IGF2BP3: variants seen among roughly 807,000 people sequenced by gnomAD.
The protein encoded by IGF2BP3 is insulin-like growth factor 2 mRNA-binding protein 3.
A neutral mutation model predicts 73.8 loss-of-function variants in IGF2BP3; 9 were observed. The observed-to-expected ratio is 0.12, with a 90% CI of 0.07 to 0.21. IGF2BP3 has a LOEUF of 0.21. IGF2BP3 is among the 10% of genes least tolerant of loss of function. IGF2BP3 has a pLI of 1.00. For synonymous variants in IGF2BP3, 258 were observed against 256.7 expected (o/e 1.01, Z -0.05); for missense variants, 542 against 714.0 (o/e 0.76, Z 2.75).
In IGF2BP3 at chr7:23,418,792, G is replaced by C. The variant is rs1028445948; in HGVS notation, c.269C>G (p.Pro90Arg). 9 of 1,583,278 alleles carry C rather than the reference G, an allele frequency of 5.7e-6. No individual in the cohort carries two copies. Among genetic ancestry groups the C allele is most frequent in the Non-Finnish European group, 7.8e-6 (9 of 1,159,402 alleles). ...AATTCTTACCTCCCACTGTAAATGA[G>C]GCGGGATATTTCGTATCTGAAGTTT... Reference protein sequence around the residue: ...IRKLQIRNIPPHLQWEVLDSL... With the variant: ...IRKLQIRNIPRHLQWEVLDSL... Residue 90 changes from proline to arginine, a missense_variant, in exon 3 of 15, where the codon CCT (proline) becomes CGT (arginine). Physicochemically the swap from Pro to Arg is moderately radical, Grantham distance 103 (BLOSUM62 -2). Coordinates refer to ENST00000258729, the MANE Select transcript of IGF2BP3 (RefSeq NM_006547.3).
At chr7:23,392,451 TAC>T (rs1554327192) in intron 3 of IGF2BP3, among the ~76,000 whole-genome samples, 2,000 of 144,216 alleles carry the variant, frequency 0.014, 42 homozygotes, top group African/African-American at 0.047. Flanking sequence ...TATATATATA[TAC>T]ACACACACAC....
intron 5 of IGF2BP3, among the ~76,000 whole-genome samples, chr7:23,358,348 GC>G (rs1785146479): frequency 6.6e-6 from 1 of 152,128 alleles, no homozygotes; most frequent in African/African-American, 2.4e-5. Context: ...TACCAGCATA[GC>G]CCTTTCACCT....
chr7:23,347,945 A>G, intron 6 of IGF2BP3: 3 of 527,368 alleles, frequency 5.7e-6, no homozygotes, highest in Non-Finnish European at 9.9e-6. Flanking sequence ...TCTTTCCTCA[A>G]TCCAACCAAG....
chr7:23,389,828 T>TAAA (rs748999337), intron 3 of IGF2BP3, among the ~76,000 whole-genome samples: 15 of 108,372 alleles, frequency 1.4e-4, no homozygotes, highest in African/African-American at 5.0e-4. Context: ...ATCCCTTCTG[T>TAAA]AAAAAAAAAA....
chr7:23,452,066 G>A lies in IGF2BP3; in HGVS notation c.236+16416C>T, dbSNP rs374830360. The stretch of plus-strand genomic sequence containing the variant: ...GTCACCAAGGCTGGAGCACAGTGGC[G>A]TGATATCAGCTCACTGCAAGCTCCG... On this transcript the variant is annotated intron_variant, in intron 2 of 14. Coordinates refer to ENST00000258729, the MANE Select transcript of IGF2BP3 (RefSeq NM_006547.3). Among the ~76,000 whole-genome samples the A allele has an allele frequency of 1.8e-4, 27 of 150,846 alleles. No individual in the cohort carries two copies. In the East Asian group the frequency reaches 4.3e-3, roughly 24 times the overall value.
intron 11 of IGF2BP3, 114 bp downstream of exon 11, chr7:23,319,024 T>C: frequency 2.8e-6 from 2 of 718,932 alleles, no homozygotes; most frequent in Admixed American, 2.4e-5. Flanking sequence ...TTCATATCCT[T>C]ATGTAACCCT....
At chr7:23,398,375 G>A (rs553464579) in intron 3 of IGF2BP3, among the ~76,000 whole-genome samples, 13 of 152,316 alleles carry the variant, frequency 8.5e-5, no homozygotes, top group African/African-American at 3.1e-4. Flanking sequence ...ATAAACATAT[G>A]TGTGCATGTG....
chr7:23,312,614 A>G, intron 14 of IGF2BP3, 121 bp downstream of exon 14: 1 of 891,824 alleles, frequency 1.1e-6, no homozygotes, highest in Non-Finnish European at 1.8e-6. Flanking sequence ...CACCCGCTAA[A>G]AGGGAGATGA....
At chr7:23,427,827 G>A (rs1047719830) in intron 2 of IGF2BP3, among the ~76,000 whole-genome samples, 3 of 152,080 alleles carry the variant, frequency 2.0e-5, no homozygotes, top group African/African-American at 4.8e-5. Flanking sequence ...CCAAGATGGT[G>A]AAATCCCATC....
At chr7:23,344,944 T>C (rs1384475817) in intron 8 of IGF2BP3, among the ~76,000 whole-genome samples, 1 of 152,260 alleles carries the variant, frequency 6.6e-6, no homozygotes, top group Non-Finnish European at 1.5e-5. Flanking sequence ...AGAATAACTT[T>C]TGAGATTTTT....
At chr7:23,387,471 G>A (rs183340812) in intron 3 of IGF2BP3, among the ~76,000 whole-genome samples, 78 of 152,186 alleles carry the variant, frequency 5.1e-4, no homozygotes, top group Non-Finnish European at 9.7e-4. Context: ...TATGGAATTT[G>A]GTTTACTATA....
At chr7:23,447,860 A>C (rs1788102411) in intron 2 of IGF2BP3, among the ~76,000 whole-genome samples, 1 of 152,160 alleles carries the variant, frequency 6.6e-6, no homozygotes, top group African/African-American at 2.4e-5. Context: ...GTGTGCCTGT[A>C]GTTTTGGCTA....
At chr7:23,416,314 G>A (rs370946651) in intron 3 of IGF2BP3, 6 of 152,346 alleles carry the variant, frequency 3.9e-5, no homozygotes, top group East Asian at 1.9e-4. Context: ...ATTGCTCACA[G>A]AGAACTTACT....
At chr7:23,388,778 C>T (rs1237991978) in intron 3 of IGF2BP3, among the ~76,000 whole-genome samples, 1 of 152,068 alleles carries the variant, frequency 6.6e-6, no homozygotes, top group Admixed American at 6.5e-5. Flanking sequence ...AATCTTCATA[C>T]TATCTCTGGG....
intron 3 of IGF2BP3, among the ~76,000 whole-genome samples, chr7:23,369,373 T>C (rs986103237): frequency 1.6e-4 from 24 of 152,164 alleles, no homozygotes; most frequent in African/African-American, 5.3e-4. Context: ...CATTGTAAGA[T>C]TCAATCAGAT....
intron 2 of IGF2BP3, 107 bp downstream of exon 2, chr7:23,468,375 C>T (rs1480891923): frequency 3.5e-6 from 4 of 1,129,858 alleles, no homozygotes; most frequent in Admixed American, 3.5e-5. Context: ...GAACACCACG[C>T]CACACGGCAG....
intron 3 of IGF2BP3, among the ~76,000 whole-genome samples, chr7:23,399,524 TTC>T (rs1285476652): frequency 6.6e-6 from 1 of 152,044 alleles, no homozygotes; most frequent in African/African-American, 2.4e-5. Flanking sequence ...AGGGAGCCAG[TTC>T]TCATGACAAC....
intron 3 of IGF2BP3, among the ~76,000 whole-genome samples, chr7:23,376,540 G>GAAAA (rs763360484): frequency 6.8e-5 from 6 of 88,592 alleles, no homozygotes; most frequent in East Asian, 4.4e-4. Flanking sequence ...ATCTCCCAAA[G>GAAAA]AAAAAAAAAA....
Position 23,311,937 on chromosome 7 carries a change from T to C in IGF2BP3, c.*425A>G, listed in dbSNP as rs771755576. 17 of 158,574 alleles carry C rather than the reference T, an allele frequency of 1.1e-4. No individual in the cohort carries two copies. Among genetic ancestry groups the C allele is most frequent in the Non-Finnish European group, 1.8e-4 (13 of 72,126 alleles). 9.8% of individuals were successfully genotyped at this position (158,574 alleles called of 1,614,324 possible). ...TAATGGCTTAACATTTAAGTTCCTG[T>C]GATAATTATTCTGATCCAATTTTAA... On this transcript the variant is annotated 3_prime_UTR_variant, in exon 15 of 15. Coordinates refer to ENST00000258729, the MANE Select transcript of IGF2BP3 (RefSeq NM_006547.3).
Sources: allele counts gnomAD v4.1 joint callset (sites outside exome capture counted in the v4.1 genomes callset), GRCh38; gene constraint gnomAD v4.1.1; transcripts MANE v1.5; gene names NCBI Gene and HGNC (gene_info 2026-07-23, HGNC 2026-07-21).